Variants in PCDH15 observed in about 807,000 individuals in gnomAD.
PCDH15 encodes protocadherin related 15.
In PCDH15, 129 loss-of-function variants were observed where a neutral mutation model predicts 178.5. That is an observed-to-expected ratio of 0.72 (90% CI 0.63 to 0.84). The LOEUF is 0.84. Ranked by LOEUF, PCDH15 falls within the 40% of genes least tolerant of loss-of-function variation. The pLI, the probability that PCDH15 is intolerant of heterozygous loss-of-function variation, is 0.00. For missense variants in PCDH15, 2,230 were observed against 2,099.9 expected, an observed-to-expected ratio of 1.06 and a Z score of -1.21; for synonymous variants, 800 against 732.0, an observed-to-expected ratio of 1.09 and a Z score of -1.50.
intron 1 of PCDH15, among the ~76,000 whole-genome samples, chr10:55,183,311 A>G (rs1839704021): frequency 6.6e-6 from 1 of 152,008 alleles, no homozygotes; most frequent in South Asian, 2.1e-4. Flanking sequence ...ATATAAAAAC[A>G]TAGTAGCAAT....
intron 2 of PCDH15, among the ~76,000 whole-genome samples, chr10:55,097,239 T>A (rs1238800885): frequency 6.6e-6 from 1 of 152,164 alleles, no homozygotes; most frequent in African/African-American, 2.4e-5. Flanking sequence ...CTATATCCTG[T>A]CACGGTGCAA....
chr10:54,238,661 T>TCTCTCTCC (rs1276225046), intron 8 of PCDH15, among the ~76,000 whole-genome samples: 1 of 138,036 alleles, frequency 7.2e-6, no homozygotes, highest in East Asian at 2.1e-4. Flanking sequence ...CCATGCTGCC[T>TCTCTCTCC]CTCTCTCTCT....
intron 2 of PCDH15, among the ~76,000 whole-genome samples, chr10:55,425,414 T>C (rs892205407): frequency 2.0e-5 from 3 of 152,066 alleles, no homozygotes; most frequent in Admixed American, 1.3e-4. Context: ...TGCAAAAGTG[T>C]TGATGTATTA....
intron 2 of PCDH15, among the ~76,000 whole-genome samples, chr10:55,447,596 T>C (rs1326947681): frequency 6.6e-6 from 1 of 151,946 alleles, no homozygotes; most frequent in East Asian, 1.9e-4. Context: ...ATATAAATGA[T>C]TGTAAAGTGT....
At chr10:54,299,807 T>C (rs2060037580) in intron 8 of PCDH15, among the ~76,000 whole-genome samples, 1 of 152,212 alleles carries the variant, frequency 6.6e-6, no homozygotes, top group Admixed American at 6.5e-5. Flanking sequence ...GCGAGTTGTT[T>C]GCACTCAGCC....
chr10:54,577,172 T>G (rs1409439833), intron 2 of PCDH15, among the ~76,000 whole-genome samples: 2 of 151,878 alleles, frequency 1.3e-5, no homozygotes, highest in Admixed American at 1.3e-4. Flanking sequence ...AACCTCTGCC[T>G]ACTGGGTTCA....
At chr10:55,094,188 T>C (rs1842388774) in intron 2 of PCDH15, among the ~76,000 whole-genome samples, 1 of 152,136 alleles carries the variant, frequency 6.6e-6, no homozygotes, top group Non-Finnish European at 1.5e-5. Flanking sequence ...GTGGCACATA[T>C]ACACCATGGA....
intron 8 of PCDH15, among the ~76,000 whole-genome samples, chr10:54,250,724 G>A (rs373525468): frequency 1.3e-5 from 2 of 152,102 alleles, no homozygotes; most frequent in Admixed American, 6.6e-5. Context: ...CTGGATTTAC[G>A]GAAAACTAGT....
intron 23 of PCDH15, among the ~76,000 whole-genome samples, chr10:53,953,983 G>A (rs991323185): frequency 5.0e-4 from 76 of 152,030 alleles, no homozygotes; most frequent in South Asian, 4.1e-4. Context: ...GTAGAGACAG[G>A]GTTTCACCGT....
At chr10:55,141,091 C>A (rs971362794) in intron 2 of PCDH15, among the ~76,000 whole-genome samples, 1 of 151,914 alleles carries the variant, frequency 6.6e-6, no homozygotes, top group Non-Finnish European at 1.5e-5. Context: ...ATAAGTTTGT[C>A]TTCTGCAAAA....
intron 26 of PCDH15, among the ~76,000 whole-genome samples, chr10:53,880,328 G>A (rs546531999): frequency 6.6e-6 from 1 of 152,202 alleles, no homozygotes; most frequent in Admixed American, 6.5e-5. Flanking sequence ...TTGACCTAGA[G>A]ATAAAACAAT....
chr10:54,442,438 A>T (rs1396009052), intron 3 of PCDH15, among the ~76,000 whole-genome samples: 1 of 119,212 alleles, frequency 8.4e-6, no homozygotes, highest in Admixed American at 8.1e-5. Context: ...ATATATATAT[A>T]TATATATATA....
At chr10:54,433,277 G>A (rs1318366269) in intron 3 of PCDH15, among the ~76,000 whole-genome samples, 1 of 152,074 alleles carries the variant, frequency 6.6e-6, no homozygotes, top group Non-Finnish European at 1.5e-5. Flanking sequence ...CCCTTGTTTG[G>A]CCAGCACTGT....
chr10:53,922,903 C>T (rs537656833), intron 25 of PCDH15, among the ~76,000 whole-genome samples: 21 of 152,002 alleles, frequency 1.4e-4, no homozygotes, highest in African/African-American at 4.1e-4. Context: ...CTGGCTAACA[C>T]GGTGGAACCC....
intron 1 of PCDH15, among the ~76,000 whole-genome samples, chr10:55,304,878 A>T (rs1843379037): frequency 6.6e-6 from 1 of 152,234 alleles, no homozygotes; most frequent in Admixed American, 6.5e-5. Context: ...CTTGATAATT[A>T]AAGAAAACTA....
At chr10:53,896,374 A>G (rs2081951958) in intron 26 of PCDH15, among the ~76,000 whole-genome samples, 1 of 152,172 alleles carries the variant, frequency 6.6e-6, no homozygotes, top group Non-Finnish European at 1.5e-5. Context: ...TGTTGACTAC[A>G]TAGTTGCTTT....
chr10:54,368,624 A>C (rs1947160726), intron 5 of PCDH15, among the ~76,000 whole-genome samples: 1 of 152,078 alleles, frequency 6.6e-6, no homozygotes, highest in African/African-American at 2.4e-5. Context: ...TTCTAATTTG[A>C]TCAGCATTTT....
At chr10:55,499,452 CAA>C (rs1490095992) in intron 2 of PCDH15, among the ~76,000 whole-genome samples, 10 of 135,076 alleles carry the variant, frequency 7.4e-5, no homozygotes, top group Middle Eastern at 8.0e-3. Flanking sequence ...CACACACACA[CAA>C]ATAATGTTGC....
At chr10:54,459,573 G>T (rs1020373917) in intron 3 of PCDH15, among the ~76,000 whole-genome samples, 5 of 152,050 alleles carry the variant, frequency 3.3e-5, no homozygotes, top group African/African-American at 1.2e-4. Flanking sequence ...ATAATGTAAA[G>T]ATTTTAGAGA....
Sources: allele counts gnomAD v4.1 joint callset (sites outside exome capture counted in the v4.1 genomes callset), GRCh38; gene constraint gnomAD v4.1.1; transcripts MANE v1.5; gene names NCBI Gene and HGNC (gene_info 2026-07-23, HGNC 2026-07-21).